The following CRTC1 variants were observed in gnomAD, a reference collection of about 807,000 sequenced individuals.
The protein encoded by CRTC1 is CREB regulated transcription coactivator 1, also known as CREB-regulated transcription coactivator 1.
A neutral mutation model predicts 66.1 loss-of-function variants in CRTC1; 18 were observed. The observed-to-expected ratio is 0.27, with a 90% CI of 0.19 to 0.40. CRTC1 has a LOEUF of 0.40. Ranked by LOEUF, CRTC1 falls within the 10% of genes least tolerant of loss-of-function variation. CRTC1 has a pLI of 1.00. For missense variants in CRTC1, 669 were observed against 887.9 expected, an observed-to-expected ratio of 0.75 and a Z score of 3.13; for synonymous variants, 416 against 398.8, an observed-to-expected ratio of 1.04 and a Z score of -0.51.
At chr19:18,752,913 C>T (rs1391411248) in intron 5 of CRTC1, among the ~76,000 whole-genome samples, 5 of 151,372 alleles carry the variant, frequency 3.3e-5, no homozygotes, top group African/African-American at 4.8e-5. Context: ...GCTGGGATTA[C>T]AGGCGTGAGC....
chr19:18,759,249 C>A (rs2054559887), intron 6 of CRTC1, among the ~76,000 whole-genome samples: 1 of 152,164 alleles, frequency 6.6e-6, no homozygotes, highest in Non-Finnish European at 1.5e-5. Context: ...CCATGTTCTC[C>A]CCAGACTCCT....
intron 1 of CRTC1, among the ~76,000 whole-genome samples, chr19:18,726,874 C>T (rs958348019): frequency 3.4e-5 from 5 of 146,540 alleles, no homozygotes; most frequent in African/African-American, 1.0e-4. Flanking sequence ...TGCAGCGAGC[C>T]GAGATCGTGC....
chr19:18,696,677 C>T (rs764241234), intron 1 of CRTC1, among the ~76,000 whole-genome samples: 1 of 152,068 alleles, frequency 6.6e-6, no homozygotes, highest in Non-Finnish European at 1.5e-5. Context: ...TTTTTCTCAA[C>T]CTAAACATTC....
intron 9 of CRTC1, among the ~76,000 whole-genome samples, chr19:18,766,468 A>C (rs2054739682): frequency 6.6e-6 from 1 of 150,740 alleles, no homozygotes; most frequent in Admixed American, 6.6e-5. Context: ...AATTTTTGAG[A>C]CAGAGTCTCG....
Position 18,775,692 on chromosome 19 carries a change from A to G in CRTC1, c.1564A>G (p.Ser522Gly). The G allele has an allele frequency of 3.1e-6, 5 of 1,612,256 alleles. No homozygotes were observed. Among genetic ancestry groups the G allele is most frequent in the East Asian group, 2.2e-5 (1 of 44,848 alleles). Reference protein sequence around the residue: ...ENAISSSSLYSPGSTLNYSQA... With the variant: ...ENAISSSSLYGPGSTLNYSQA... ...CGCCATCAGCTCCAGCAGCCTGTAC[A>G]GCCCGGGCTCCACACTCAACTACTC... Residue 522 changes from serine to glycine, a missense_variant, in exon 13 of 14, where the codon AGC becomes GGC. Ser to Gly is a moderately conservative substitution (Grantham distance 56, BLOSUM62 0). Around this residue, in one of 8 missense-constraint regions of CRTC1, gnomAD observed 79 missense variants for 100.1 expected, o/e 0.79. Transcript: ENST00000321949.
In CRTC1 at chr19:18,760,264, T is replaced by A; in HGVS notation, c.886+36T>A. The A allele has an allele frequency of 1.3e-6, 2 of 1,500,174 alleles. No individual in the cohort carries two copies. Among genetic ancestry groups the A allele is most frequent in the Non-Finnish European group, 1.8e-6 (2 of 1,106,276 alleles). The allele number at this position is 1,500,174 out of a possible 1,614,324, so 92.9% of individuals were successfully genotyped here. A position where few individuals can be genotyped will look rare whatever the true frequency, so the allele number is the denominator to read the frequency against. On this transcript the variant is annotated intron_variant, in intron 8 of 13. Coordinates refer to ENST00000321949, the MANE Select transcript of CRTC1 (RefSeq NM_015321.3). The surrounding 1 kb of genome is among the most constrained non-coding windows in gnomAD (Gnocchi z 6.2). ...GACACTCCGCCCTCGGACAGAGCACTGGCTTGTGGAGACAACACGGGCATC... is the reference window on the plus strand; with the variant it reads ...GACACTCCGCCCTCGGACAGAGCACAGGCTTGTGGAGACAACACGGGCATC...
At chr19:18,698,712 A>C (rs879747990) in intron 1 of CRTC1, among the ~76,000 whole-genome samples, 13 of 151,980 alleles carry the variant, frequency 8.6e-5, no homozygotes, top group Admixed American at 8.5e-4. Flanking sequence ...CAGCAAGTGC[A>C]GTGTGTACTT....
intron 1 of CRTC1, among the ~76,000 whole-genome samples, chr19:18,711,530 G>T (rs575653721): frequency 6.6e-6 from 1 of 152,278 alleles, no homozygotes; most frequent in East Asian, 1.9e-4. Flanking sequence ...CCACCAGTTT[G>T]CATTTTTAAA....
intron 1 of CRTC1, among the ~76,000 whole-genome samples, chr19:18,712,497 T>C (rs1179026410): frequency 1.3e-5 from 2 of 150,972 alleles, no homozygotes; most frequent in Non-Finnish European, 3.0e-5. Context: ...TGACCTCAGG[T>C]AATCCGCCTG....
rs199565562 is a variant in CRTC1, at chr19:18,744,169, C to T, written c.243+1143C>T. ...CCTGTCTCTCTGGTAAATGAGCCCC[C>T]AGGCTGAGGCCGCGGCGTCCCCGGC... On this transcript the variant is annotated intron_variant, in intron 2 of 13. Transcript: ENST00000321949. The T allele has an allele frequency of 5.0e-4, 811 of 1,610,054 alleles. 6 individuals are homozygous for T. The African/African-American group carries it at 0.01, about 20-fold the overall frequency.
At position 18,768,062 on chromosome 19, in the gene CRTC1, T is replaced by A. The variant is rs1339826907; in HGVS notation, c.1012-423T>A. Among the ~76,000 whole-genome samples the A allele has an allele frequency of 6.8e-6, 1 of 147,972 alleles. No individual in the cohort carries two copies. Among genetic ancestry groups the A allele is most frequent in the East Asian group, 2.1e-4 (1 of 4,746 alleles). ...CCCAGCCTCTCCAGCATCCCCAGAG[T>A]GGGCAAGGCTTTGGGCGGGGGGGTT... On this transcript the variant is annotated intron_variant, in intron 9 of 13. Coordinates refer to ENST00000321949, the MANE Select transcript of CRTC1 (RefSeq NM_015321.3). The surrounding 1 kb of genome is among the most constrained non-coding windows in gnomAD (Gnocchi z 5.6).
chr19:18,693,180 A>G (rs529367149), intron 1 of CRTC1, among the ~76,000 whole-genome samples: 4 of 151,984 alleles, frequency 2.6e-5, no homozygotes, highest in South Asian at 4.1e-4. Flanking sequence ...CACGAGGTCA[A>G]GAGATCGAGA....
chr19:18,712,937 G>A (rs541094100), intron 1 of CRTC1, among the ~76,000 whole-genome samples: 2 of 151,592 alleles, frequency 1.3e-5, no homozygotes, highest in South Asian at 2.1e-4. Flanking sequence ...TCCAGGCTGG[G>A]TGACGGAGCA....
In CRTC1 at chr19:18,760,370, A is replaced by C. The variant is rs2054587169; in HGVS notation, c.886+142A>C. ...TGGGGGGCGGCCGACAGGCTGACCC[A>C]GCGGGCACAGGCATCCCAGGTAGGG... On this transcript the variant is annotated intron_variant, in intron 8 of 13. Transcript: ENST00000321949. The surrounding 1 kb of genome is among the most constrained non-coding windows in gnomAD (Gnocchi z 6.2). The C allele has an allele frequency of 4.2e-6, 3 of 707,994 alleles. No homozygotes were observed. In the Admixed American group the frequency reaches 7.7e-5, roughly 18 times the overall value. 43.9% of individuals were successfully genotyped at this position (707,994 alleles called of 1,614,324 possible).
intron 3 of CRTC1, among the ~76,000 whole-genome samples, chr19:18,746,502 G>A (rs1210572218): frequency 4.1e-5 from 3 of 73,728 alleles, no homozygotes; most frequent in African/African-American, 1.4e-4. Flanking sequence ...CAACTCAGCC[G>A]CCCCTTGGTG....
At chr19:18,746,926 G>C (rs1239934040) in intron 3 of CRTC1, 127 bp from the exon 4 acceptor site, 1 of 780,544 alleles carries the variant, frequency 1.3e-6, no homozygotes, top group East Asian at 2.5e-5. Context: ...CCGCCCTACT[G>C]GTCCCAGCTG....
At chr19:18,692,899 C>G (rs1365363039) in intron 1 of CRTC1, among the ~76,000 whole-genome samples, 3 of 151,402 alleles carry the variant, frequency 2.0e-5, no homozygotes, top group African/African-American at 7.3e-5. Context: ...CATGGTGAAA[C>G]CCTGTCTCTA....
At chr19:18,689,564 C>CATATATATATATATATATATATAT (rs10616884) in intron 1 of CRTC1, among the ~76,000 whole-genome samples, 44 of 38,310 alleles carry the variant, frequency 1.1e-3, no homozygotes, top group African/African-American at 4.2e-3. Flanking sequence ...AATTGATGGC[C>CATATATATATATATATATATATAT]ATATATATAT....
chr19:18,747,026 T>C lies in CRTC1; in HGVS notation c.382-27T>C, dbSNP rs199971197. On this transcript the variant is annotated intron_variant, in intron 3 of 13. Transcript: ENST00000321949. ...TTGTTGGAGGCGGGGTCTCAGCCAG[T>C]GGCACTGCCCCCTTAACTCACCTCA... The C allele has an allele frequency of 2.5e-6, 4 of 1,609,976 alleles. No individual in the cohort carries two copies. In the African/African-American group the frequency reaches 4.0e-5, roughly 16 times the overall value.
Sources: allele counts gnomAD v4.1 joint callset (sites outside exome capture counted in the v4.1 genomes callset), GRCh38; gene constraint gnomAD v4.1.1; regional missense constraint gnomAD v4.1.1; non-coding constraint Gnocchi (gnomAD v3.1); transcripts MANE v1.5; gene names NCBI Gene and HGNC (gene_info 2026-07-23, HGNC 2026-07-21).